ITPR2: variants seen among roughly 807,000 people sequenced by gnomAD.
ITPR2 encodes inositol 1,4,5-trisphosphate receptor type 2.
In ITPR2, 207 loss-of-function variants were observed where a neutral mutation model predicts 317.1. The ratio of observed to expected loss-of-function variants is 0.65; its 90% CI spans 0.58 to 0.73. ITPR2 has a LOEUF of 0.73. Among genes scored for constraint, ITPR2 ranks in the 30% least tolerant of loss-of-function variants. The pLI is 0.00. For missense variants in ITPR2, 2,613 were observed against 3,284.0 expected, an observed-to-expected ratio of 0.80 and a Z score of 4.99; for synonymous variants, 1,156 against 1,149.1, an observed-to-expected ratio of 1.01 and a Z score of -0.12.
At chr12:26,725,994 G>A (rs1948914345) in intron 2 of ITPR2, 1 of 388,624 alleles carries the variant, frequency 2.6e-6, no homozygotes, top group African/African-American at 2.1e-5. Context: ...GTTTTTTAAA[G>A]ACTACGATAG....
At chr12:26,692,299 A>G (rs12318517) in intron 10 of ITPR2, among the ~76,000 whole-genome samples, 33,279 of 152,140 alleles carry the variant, frequency 0.22, 4,336 homozygotes, top group African/African-American at 0.36. Flanking sequence ...TGCCACAATC[A>G]GGGACCTGCT....
At chr12:26,777,870 T>A (rs762328485) in intron 2 of ITPR2, among the ~76,000 whole-genome samples, 5 of 152,160 alleles carry the variant, frequency 3.3e-5, no homozygotes, top group Admixed American at 6.5e-5. Context: ...TTTGGCCTTT[T>A]ACCTGGGTAA....
intron 2 of ITPR2, among the ~76,000 whole-genome samples, chr12:26,729,506 A>G (rs1300805903): frequency 2.6e-5 from 4 of 152,196 alleles, no homozygotes; most frequent in African/African-American, 9.7e-5. Context: ...ATGCACACAT[A>G]CATTCACTGC....
At chr12:26,554,876 G>A (rs904085962) in intron 36 of ITPR2, among the ~76,000 whole-genome samples, 10 of 151,862 alleles carry the variant, frequency 6.6e-5, no homozygotes, top group African/African-American at 1.5e-4. Context: ...GGCTTTCAAC[G>A]TACCCATCAT....
intron 34 of ITPR2, among the ~76,000 whole-genome samples, chr12:26,570,319 T>C (rs1238286418): frequency 1.3e-5 from 2 of 152,196 alleles, no homozygotes; most frequent in African/African-American, 2.4e-5. Context: ...GTTGAGTTAA[T>C]AAATATGTGA....
chr12:26,335,523 A>G lies in ITPR2; in HGVS notation c.*3874T>C, dbSNP rs925259991. Among the ~76,000 whole-genome samples the G allele has an allele frequency of 2.0e-5, 3 of 152,182 alleles. No homozygotes were observed. The highest frequency in any genetic ancestry group is 6.5e-5 in the Admixed American group (1 of 15,276). On this transcript the variant is annotated 3_prime_UTR_variant, in exon 57 of 57. Coordinates refer to ENST00000381340, the MANE Select transcript of ITPR2 (RefSeq NM_002223.4). ...TTTCATAAATTATTCAAGTCTGTGG[A>G]AACACTCCAGTTCAGAGAAGGGTAC...
At chr12:26,363,090 A>C (rs1300532276) in intron 55 of ITPR2, among the ~76,000 whole-genome samples, 2 of 152,168 alleles carry the variant, frequency 1.3e-5, no homozygotes, top group Admixed American at 1.3e-4. Context: ...GTGGTAGATG[A>C]GTGAGTGAAG....
At chr12:26,496,091 G>A (rs187232108) in intron 37 of ITPR2, among the ~76,000 whole-genome samples, 53 of 152,208 alleles carry the variant, frequency 3.5e-4, no homozygotes, top group Non-Finnish European at 7.2e-4. Flanking sequence ...TTTTATTGGT[G>A]ATTATTATTT....
chr12:26,727,982 A>T (rs970332659), intron 2 of ITPR2, among the ~76,000 whole-genome samples: 1 of 152,084 alleles, frequency 6.6e-6, no homozygotes, highest in Non-Finnish European at 1.5e-5. Context: ...ATGCTAAGGG[A>T]CCCCTAACCA....
intron 2 of ITPR2, among the ~76,000 whole-genome samples, chr12:26,743,485 A>G (rs1949270149): frequency 6.6e-6 from 1 of 152,240 alleles, no homozygotes; most frequent in Admixed American, 6.5e-5. Flanking sequence ...TATTTTTTCC[A>G]TAGCATTGTG....
rs73301052 is a variant in ITPR2, at chr12:26,376,033, C to A, written c.7857+11401G>T. 3.0e-3 allele frequency among the ~76,000 whole-genome samples: 464 copies of A among 152,142 alleles called. 2 individuals carry two copies. The highest frequency in any genetic ancestry group is 0.011 in the African/African-American group (447 of 41,506). On this transcript the variant is annotated intron_variant, in intron 55 of 56. Transcript: ENST00000381340. ...GAGGATCACCTGAGCCTTGGGAGGC[C>A]GATGCTGCAGTGAGCCAGGATCATG...
chr12:26,688,305 G>C (rs1948168340), intron 10 of ITPR2, among the ~76,000 whole-genome samples: 1 of 152,044 alleles, frequency 6.6e-6, no homozygotes, highest in African/African-American at 2.4e-5. Flanking sequence ...CCTCCCAAAG[G>C]CTGGGATTAC....
Position 26,384,883 on chromosome 12 carries a change from T to C in ITPR2, c.7857+2551A>G, listed in dbSNP as rs146653126. Reference sequence around the variant, plus strand: ...TTTCTTCTTTTTCCTGAATGGGGGATCCCCTGGGTTCTGTCTCAAGTTTTC... The same window carrying C: ...TTTCTTCTTTTTCCTGAATGGGGGACCCCCTGGGTTCTGTCTCAAGTTTTC... On this transcript the variant is annotated intron_variant, in intron 55 of 56. Transcript: ENST00000381340. 1.1e-4 allele frequency among the ~76,000 whole-genome samples: 16 copies of C among 152,296 alleles called. No individual in the cohort carries two copies. The East Asian group carries it at 2.5e-3, about 24-fold the overall frequency.
intron 9 of ITPR2, among the ~76,000 whole-genome samples, chr12:26,698,945 T>C (rs367686261): frequency 4.6e-5 from 7 of 151,734 alleles, no homozygotes; most frequent in African/African-American, 1.7e-4. Context: ...TTTAGTCAAG[T>C]TTCACCATAG....
At chr12:26,439,422 G>A (rs1941434826) in intron 46 of ITPR2, 103 bp from the exon 47 acceptor site, 1 of 817,424 alleles carries the variant, frequency 1.2e-6, no homozygotes, top group South Asian at 2.3e-5. Flanking sequence ...TATGAATTCA[G>A]TTGTGAAAAA....
chr12:26,827,300 C>A (rs1951023228), intron 1 of ITPR2, among the ~76,000 whole-genome samples: 1 of 151,892 alleles, frequency 6.6e-6, no homozygotes, highest in Non-Finnish European at 1.5e-5. Context: ...GAGAAAAGAA[C>A]AATAACTGTA....
rs1251261704 is a variant in ITPR2 at position 26,556,318 on chromosome 12, C to T, written c.4879G>A (p.Val1627Met). ...FSPMMQAEFS[V>M]LVDVLYSPEL... ...GGACTGTACAATACATCAACCAACACTGAGAATTCAGCCTGCATCATTGGG... is the reference window on the plus strand; with the variant it reads ...GGACTGTACAATACATCAACCAACATTGAGAATTCAGCCTGCATCATTGGG... The change falls in exon 36 of 57, where the codon GTG becomes ATG. Residue 1627 changes from valine to methionine, a missense_variant. Transcript: ENST00000381340. 1 of 1,614,092 alleles carries T rather than the reference C, an allele frequency of 6.2e-7. No individual in the cohort carries two copies. The highest frequency in any genetic ancestry group is 8.5e-7 in the Non-Finnish European group (1 of 1,179,976).
At chr12:26,350,142 A>C (rs1338681608) in intron 55 of ITPR2, among the ~76,000 whole-genome samples, 2 of 152,110 alleles carry the variant, frequency 1.3e-5, no homozygotes, top group African/African-American at 4.8e-5. Flanking sequence ...GAAGGCCCCT[A>C]TCCCTACTGG....
intron 45 of ITPR2, among the ~76,000 whole-genome samples, chr12:26,465,106 C>T (rs187816535): frequency 2.6e-5 from 4 of 152,156 alleles, no homozygotes; most frequent in East Asian, 1.9e-4. Flanking sequence ...GAGTGAGCGT[C>T]GATTAAGAAG....
Sources: gnomAD v4.1 joint callset for allele counts (sites outside exome capture counted in the v4.1 genomes callset) on GRCh38, gnomAD v4.1.1 for gene constraint, MANE v1.5 for transcripts, NCBI Gene and HGNC (gene_info 2026-07-23, HGNC 2026-07-21) for gene names.